SLCO1B3: variants seen among roughly 807,000 people sequenced by gnomAD.
The protein encoded by SLCO1B3 is liver-specific organic anion transporter 2.
A neutral mutation model predicts 71.8 loss-of-function variants in SLCO1B3; 72 were observed. The ratio of observed to expected loss-of-function variants is 1.00; its 90% CI spans 0.83 to 1.22. SLCO1B3 has a LOEUF of 1.22. Among genes scored for constraint, SLCO1B3 ranks in the 50% most tolerant of loss-of-function variants. The pLI, the probability that SLCO1B3 is intolerant of heterozygous loss-of-function variation, is 0.00. For synonymous variants in SLCO1B3, 298 were observed against 278.4 expected (o/e 1.07, Z -0.70); for missense variants, 911 against 819.7 (o/e 1.11, Z -1.36).
Position 20,879,527 on chromosome 12 carries a change from A to T in SLCO1B3, c.1227A>T (p.Lys409Asn). The change falls in exon 11 of 16, where the codon AAA becomes AAT. Residue 409 changes from lysine to asparagine, a missense_variant. Lys to Asn is a moderately conservative substitution (Grantham distance 94). Transcript: ENST00000381545. The part of the protein sequence containing the change: ...KFKLSLVGIA[K>N]FSFLTSMISF... Reference sequence around the variant, plus strand: ...AATTGTCTTTAGTTGGAATTGCCAAATTTTCATTTCTTACTTCGATGATAT... The same window carrying T: ...AATTGTCTTTAGTTGGAATTGCCAATTTTTCATTTCTTACTTCGATGATAT... 6.2e-7 allele frequency: 1 copy of T among 1,611,996 alleles called. No homozygotes were observed. The highest frequency in any genetic ancestry group is 8.5e-7 in the Non-Finnish European group (1 of 1,178,566).
At chr12:20,820,791 G>A (rs1246138202) in intron 3 of SLCO1B3, among the ~76,000 whole-genome samples, 2 of 107,002 alleles carry the variant, frequency 1.9e-5, no homozygotes, top group Non-Finnish European at 4.1e-5. Context: ...AATGAGCCAT[G>A]AACTGGGCTG....
At chr12:20,826,898 A>G (rs1210830378) in intron 3 of SLCO1B3, among the ~76,000 whole-genome samples, 1 of 151,970 alleles carries the variant, frequency 6.6e-6, no homozygotes, top group Non-Finnish European at 1.5e-5. Flanking sequence ...GTCTCCCTAT[A>G]TTTTTTTAAA....
Position 20,861,111 on chromosome 12 carries a change from G to A in SLCO1B3, c.454G>A (p.Gly152Arg). 6.3e-7 allele frequency: 1 copy of A among 1,596,672 alleles called. No homozygotes were observed. Among genetic ancestry groups the A allele is most frequent in the South Asian group, 1.1e-5 (1 of 87,624 alleles). Reference protein sequence around the residue: ...CLINQTLSFNGTSPEIVEKDC... With the variant: ...CLINQTLSFNRTSPEIVEKDC... ...AATTAATCAAACCTTATCATTCAAT[G>A]GAACATCACCTGAGATAGTAGAAAA... The change falls in exon 6 of 16, where the codon GGA becomes AGA. Residue 152 changes from glycine (G) to arginine (R), a missense_variant. Physicochemically the swap from Gly to Arg is moderately radical, Grantham distance 125. Coordinates refer to ENST00000381545, the MANE Select transcript of SLCO1B3 (RefSeq NM_019844.4).
intron 13 of SLCO1B3, among the ~76,000 whole-genome samples, chr12:20,888,400 TAG>T: frequency 6.6e-6 from 1 of 152,096 alleles, no homozygotes; most frequent in African/African-American, 2.4e-5. Context: ...GTTCTCCTCG[TAG>T]AGACTTTTTT....
intron 14 of SLCO1B3, among the ~76,000 whole-genome samples, chr12:20,899,661 G>C (rs1379844301): frequency 1.3e-5 from 2 of 152,174 alleles, no homozygotes; most frequent in African/African-American, 4.8e-5. Flanking sequence ...TCTACCTCCA[G>C]ATTCAGAGAC....
chr12:20,914,690 G>A (rs2120474138), intron 15 of SLCO1B3, among the ~76,000 whole-genome samples: 1 of 152,122 alleles, frequency 6.6e-6, no homozygotes, highest in East Asian at 1.9e-4. Flanking sequence ...TTCTTGCAAG[G>A]AGAGTCTACT....
intron 4 of SLCO1B3, among the ~76,000 whole-genome samples, chr12:20,856,519 A>G (rs989032826): frequency 6.6e-6 from 1 of 152,212 alleles, no homozygotes; most frequent in African/African-American, 2.4e-5. Flanking sequence ...TAAAGCATAC[A>G]GGAGGATGTT....
chr12:20,823,997 G>A (rs894829652), intron 3 of SLCO1B3, among the ~76,000 whole-genome samples: 3 of 152,024 alleles, frequency 2.0e-5, no homozygotes, highest in Non-Finnish European at 2.9e-5. Context: ...TGTGATAAAA[G>A]AAAATATATT....
chr12:20,829,383 G>A (rs1183264460), intron 3 of SLCO1B3, among the ~76,000 whole-genome samples: 4 of 152,144 alleles, frequency 2.6e-5, no homozygotes, highest in African/African-American at 9.7e-5. Flanking sequence ...GCGGGAAGTG[G>A]GCTGAAACTT....
Position 20,898,242 on chromosome 12 carries a change from A to T in SLCO1B3, c.1683-194A>T, listed in dbSNP as rs554724249. The stretch of plus-strand genomic sequence containing the variant: ...AAATCATAAAGCATTTAATAAATAA[A>T]GAAATTATTATTATTATCACTCAGG... On this transcript the variant is annotated intron_variant, in intron 13 of 15. Coordinates refer to ENST00000381545, the MANE Select transcript of SLCO1B3 (RefSeq NM_019844.4). Among the ~76,000 whole-genome samples the T allele has an allele frequency of 2.6e-5, 4 of 152,270 alleles. No homozygotes were observed. In the East Asian group the frequency reaches 7.7e-4, roughly 29 times the overall value.
At position 20,855,114 on chromosome 12, in the gene SLCO1B3, G is replaced by A. The variant is rs754836324; in HGVS notation, c.171G>A (p.Arg57=). ...AAATTTCCATCACTCAAATAGAAAG[G>A]AGATTTGACATATCCTCTTCTCTTG... ...IMKISITQIE[R]RFDISSSLAG... is the part of the protein sequence containing the mutation. Residue 57 remains arginine, a synonymous_variant, in exon 4 of 16, where the codon AGG becomes AGA. Transcript: ENST00000381545. 4.3e-6 allele frequency: 7 copies of A among 1,611,898 alleles called. No homozygotes were observed. Among genetic ancestry groups the A allele is most frequent in the Non-Finnish European group, 5.1e-6 (6 of 1,178,934 alleles).
Position 20,875,265 on chromosome 12 carries a change from G to C in SLCO1B3, c.758G>C (p.Arg253Pro), listed in dbSNP as rs745538500. The C allele has an allele frequency of 6.2e-7, 1 of 1,612,826 alleles. No individual in the cohort carries two copies. Among genetic ancestry groups the C allele is most frequent in the Non-Finnish European group, 8.5e-7 (1 of 1,179,616 alleles). Residue 253 changes from arginine (R) to proline (P), a missense_variant, in exon 9 of 16, where the codon CGT (arginine) becomes CCT (proline). Arg to Pro is a moderately radical substitution (Grantham distance 103). Coordinates refer to ENST00000381545, the MANE Select transcript of SLCO1B3 (RefSeq NM_019844.4). ...STIRITPKDS[R>P]WVGAWWLGFL... Reference sequence around the variant, plus strand: ...ATCAGAATAACTCCTAAGGACTCTCGTTGGGTTGGAGCTTGGTGGCTTGGT... The same window carrying C: ...ATCAGAATAACTCCTAAGGACTCTCCTTGGGTTGGAGCTTGGTGGCTTGGT...
At chr12:20,868,089 T>C (rs1177772672) in intron 8 of SLCO1B3, among the ~76,000 whole-genome samples, 1 of 152,222 alleles carries the variant, frequency 6.6e-6, no homozygotes, top group Non-Finnish European at 1.5e-5. Context: ...GCTTATTTTA[T>C]AGAAAGAATA....
intron 3 of SLCO1B3, among the ~76,000 whole-genome samples, chr12:20,828,216 A>G (rs78750777): frequency 0.037 from 5,528 of 150,976 alleles, 136 homozygotes; most frequent in East Asian, 0.09. Flanking sequence ...GCACTTGGCT[A>G]CAAAGACATT....
rs74464403 is a variant in SLCO1B3 at position 20,815,946 on chromosome 12, A to T, written c.84+124A>T. On this transcript the variant is annotated intron_variant, in intron 3 of 15. Coordinates refer to ENST00000381545, the MANE Select transcript of SLCO1B3 (RefSeq NM_019844.4). ...TTACAATTTTTCCATTGAAGCGTAC[A>T]TTAAAATATTAACAAAATAATCCCT... is the stretch of plus-strand genomic sequence containing the variant. The T allele has an allele frequency of 0.034, 16,934 of 491,284 alleles. 431 individuals carry two copies. The highest frequency in any genetic ancestry group is 0.1 in the East Asian group (3,202 of 31,084). The allele number at this position is 491,284 out of a possible 1,614,324, so 30.4% of individuals were successfully genotyped here. A position where few individuals can be genotyped will look rare whatever the true frequency, so the allele number is the denominator to read the frequency against.
At chr12:20,876,487 C>CT (rs927252716) in intron 9 of SLCO1B3, among the ~76,000 whole-genome samples, 127 of 152,222 alleles carry the variant, frequency 8.3e-4, no homozygotes, top group African/African-American at 3.0e-3. Context: ...CTTCACTTAC[C>CT]TTTTTTTTTG....
chr12:20,885,436 G>C (rs1038601230), intron 13 of SLCO1B3, among the ~76,000 whole-genome samples: 5 of 152,182 alleles, frequency 3.3e-5, no homozygotes, highest in African/African-American at 1.2e-4. Context: ...AGGGTACAGG[G>C]AGTGGATATA....
intron 8 of SLCO1B3, among the ~76,000 whole-genome samples, chr12:20,869,922 T>C (rs1031583206): frequency 6.6e-6 from 1 of 152,132 alleles, no homozygotes; most frequent in Non-Finnish European, 1.5e-5. Flanking sequence ...TATTTTTTTA[T>C]ACCAGGTGCA....
chr12:20,831,483 A>G (rs1864541156), intron 3 of SLCO1B3, among the ~76,000 whole-genome samples: 1 of 152,146 alleles, frequency 6.6e-6, no homozygotes, highest in Admixed American at 6.5e-5. Context: ...ACTAAGTTAA[A>G]TTGTTAACAT....
Sources: allele counts gnomAD v4.1 joint callset (sites outside exome capture counted in the v4.1 genomes callset), GRCh38; gene constraint gnomAD v4.1.1; transcripts MANE v1.5; gene names NCBI Gene and HGNC (gene_info 2026-07-23, HGNC 2026-07-21).